The following MORC2 variants were observed in gnomAD, a reference collection of about 807,000 sequenced individuals.
MORC2 encodes MORC family CW-type zinc finger 2.
Under a neutral mutation model 136.0 loss-of-function variants are expected in MORC2, and 30 were observed. The ratio of observed to expected loss-of-function variants is 0.22; its 90% CI spans 0.17 to 0.30. The LOEUF (loss-of-function observed/expected upper bound fraction) is 0.30, where lower values mean the gene tolerates loss of function less well. MORC2 is among the 10% of genes least tolerant of loss of function. The pLI is 1.00. For missense variants in MORC2, 922 were observed against 1,333.1 expected (o/e 0.69, Z 4.80); for synonymous variants, 439 against 487.0 (o/e 0.90, Z 1.30).
intron 12 of MORC2, among the ~76,000 whole-genome samples, chr22:30,939,412 G>A (rs2082954138): frequency 6.6e-6 from 1 of 152,222 alleles, no homozygotes; most frequent in African/African-American, 2.4e-5. Flanking sequence ...GATGGTTTTG[G>A]TGCTCGAGCC....
At chr22:30,942,431 G>A (rs1027098204) in intron 6 of MORC2, among the ~76,000 whole-genome samples, 160 bp from the exon 7 acceptor site, 5 of 152,154 alleles carry the variant, frequency 3.3e-5, no homozygotes, top group Non-Finnish European at 7.3e-5. Context: ...GAGCTTCAGG[G>A]CTTCTGCCTC....
rs1247963621 is a variant in MORC2, at chr22:30,941,489, G to A, written c.768C>T (p.Phe256=). The change falls in exon 9 of 26, where the codon TTC becomes TTT. Residue 256 remains phenylalanine, a synonymous_variant. Transcript: ENST00000397641. The surrounding 1 kb of genome is among the most constrained non-coding windows in gnomAD (Gnocchi z 4.6). ...TGGTCTGCACCTTGTGCCCATGGAT[G>A]AAGATCCTCATCCGGGGATCAATAT... ...VLYIDPRMRI[F]IHGHKVQTKR... 5.0e-6 allele frequency: 8 copies of A among 1,613,972 alleles called. No individual in the cohort carries two copies. The East Asian group carries it at 1.8e-4, about 36-fold the overall frequency.
chr22:30,958,590 C>T lies in MORC2; in HGVS notation c.122+51G>A, dbSNP rs1013036935. On this transcript the variant is annotated intron_variant, in intron 2 of 25. Transcript: ENST00000397641. ...CTTCAGAGAGCAAAGGTCACAGCTA[C>T]CTAAAGTGTTTCCACTTCAAGCACA... 7 of 1,439,568 alleles carry T rather than the reference C, an allele frequency of 4.9e-6. No individual in the cohort carries two copies. In the African/African-American group the frequency reaches 7.1e-5, roughly 15 times the overall value. The allele number at this position is 1,439,568 out of a possible 1,614,324, so 89.2% of individuals were successfully genotyped here. A position where few individuals can be genotyped will look rare whatever the true frequency, so the allele number is the denominator to read the frequency against.
intron 1 of MORC2, among the ~76,000 whole-genome samples, chr22:30,961,207 C>T (rs990993326): frequency 3.3e-5 from 5 of 151,852 alleles, no homozygotes; most frequent in Non-Finnish European, 7.4e-5. Flanking sequence ...TCTTGTGCCC[C>T]CTCAGTAAAA....
intron 24 of MORC2, chr22:30,930,003 C>T (rs1326243164): frequency 6.6e-6 from 1 of 152,134 alleles, no homozygotes; most frequent in African/African-American, 2.4e-5. Flanking sequence ...CAGGCATGCA[C>T]CACAACATCT....
At chr22:30,927,977 G>C in intron 25 of MORC2, 42 bp downstream of exon 25, 1 of 1,608,144 alleles carries the variant, frequency 6.2e-7, no homozygotes, top group Non-Finnish European at 8.5e-7. Context: ...CTCCCTGAGA[G>C]ACCAGGTGGT....
chr22:30,963,736 T>C (rs899939882), intron 1 of MORC2, among the ~76,000 whole-genome samples: 2 of 152,160 alleles, frequency 1.3e-5, no homozygotes, highest in Non-Finnish European at 2.9e-5. Context: ...GTTTGCAGCT[T>C]AGCATTTCCA....
chr22:30,954,338 A>T (rs137899647), intron 3 of MORC2, among the ~76,000 whole-genome samples: 1 of 152,194 alleles, frequency 6.6e-6, no homozygotes, highest in Non-Finnish European at 1.5e-5. Flanking sequence ...TGTGGTAGAA[A>T]AGTGTAGGGT....
At position 30,936,952 on chromosome 22, in the gene MORC2, G is replaced by A. The variant is rs758711899; in HGVS notation, c.1584C>T (p.Asn528=). 1 of 1,613,858 alleles carries A rather than the reference G, an allele frequency of 6.2e-7. No homozygotes were observed. The highest frequency in any genetic ancestry group is 1.3e-5 in the African/African-American group (1 of 74,914). Residue 528 remains asparagine (N), a synonymous_variant, in exon 16 of 26, where the codon AAC becomes AAT. Coordinates refer to ENST00000397641, the MANE Select transcript of MORC2 (RefSeq NM_001303256.3). The part of the protein sequence containing the change: ...DYPDTWVCSM[N]PDPEQDRCEA... ...CTCACCGGTCCTGTTCAGGATCAGG[G>A]TTCATGGAGCAAACCCAGGTGTCAG...
rs577549534 is a variant in MORC2 at position 30,954,800 on chromosome 22, T to C, written c.157+1963A>G. 3.3e-5 allele frequency among the ~76,000 whole-genome samples: 5 copies of C among 152,324 alleles called. No individual in the cohort carries two copies. The South Asian group carries it at 1.0e-3, about 32-fold the overall frequency. On this transcript the variant is annotated intron_variant, in intron 3 of 25. Transcript: ENST00000397641. ...TTACGATTTGTACCTTCAACATCAC[T>C]TGGAGAAGAGGCCCATTCTCTGCTT...
At chr22:30,933,990 GTGCAGACTGCTGGTGGGGGC>G in intron 20 of MORC2, 50 bp downstream of exon 20, 1 of 1,522,936 alleles carries the variant, frequency 6.6e-7, no homozygotes, top group Non-Finnish European at 9.0e-7. Flanking sequence ...CTGATGGGGG[GTGCAGACTGCTGGTGGGGGC>G]TGCAGGCCCT....
chr22:30,949,220 AGTCCC>A (rs2040856770), intron 5 of MORC2, among the ~76,000 whole-genome samples: 1 of 152,230 alleles, frequency 6.6e-6, no homozygotes, highest in Non-Finnish European at 1.5e-5. Context: ...GCTAAGAAAA[AGTCCC>A]ATGGGATTTG....
At chr22:30,952,146 A>G (rs1208419424) in intron 3 of MORC2, among the ~76,000 whole-genome samples, 2 of 152,212 alleles carry the variant, frequency 1.3e-5, no homozygotes, top group Non-Finnish European at 2.9e-5. Flanking sequence ...AAGTACAATA[A>G]AAGTCCAAAA....
intron 10 of MORC2, among the ~76,000 whole-genome samples, chr22:30,940,390 CGAGAAACCCT>C (rs2040725650): frequency 6.6e-6 from 1 of 152,114 alleles, no homozygotes; most frequent in East Asian, 1.9e-4. Flanking sequence ...AACAAGCAGC[CGAGAAACCCT>C]GAGAAACCCT....
At chr22:30,956,935 AT>A (rs566823429) in intron 2 of MORC2, 138 bp from the exon 3 acceptor site, 20 of 645,606 alleles carry the variant, frequency 3.1e-5, no homozygotes, top group South Asian at 5.7e-5. Flanking sequence ...GACATTTAGA[AT>A]TTTTTTTACT....
chr22:30,952,669 T>C (rs1482986854), intron 3 of MORC2, among the ~76,000 whole-genome samples: 1 of 152,244 alleles, frequency 6.6e-6, no homozygotes, highest in Non-Finnish European at 1.5e-5. Flanking sequence ...TTCAACTTTG[T>C]AAACAGACAG....
intron 12 of MORC2, 23 bp downstream of exon 12, chr22:30,939,598 C>T (rs777115897): frequency 8.7e-6 from 14 of 1,611,572 alleles, no homozygotes; most frequent in African/African-American, 1.3e-5. Context: ...TTTAAAAGAT[C>T]CAAGGACAGG....
At chr22:30,964,961 G>A (rs562567683) in intron 1 of MORC2, among the ~76,000 whole-genome samples, 24 of 152,274 alleles carry the variant, frequency 1.6e-4, no homozygotes, top group South Asian at 1.5e-3. Flanking sequence ...CACCGTATGA[G>A]CTAAGAACTT....
At position 30,934,631 on chromosome 22, in the gene MORC2, G is replaced by T; in HGVS notation, c.2193+150C>A. 1 of 1,150,840 alleles carries T rather than the reference G, an allele frequency of 8.7e-7. No individual in the cohort carries two copies. The highest frequency in any genetic ancestry group is 1.2e-6 in the Non-Finnish European group (1 of 812,446). The allele number at this position is 1,150,840 out of a possible 1,614,324, so 71.3% of individuals were successfully genotyped here. A position where few individuals can be genotyped will look rare whatever the true frequency, so the allele number is the denominator to read the frequency against. On this transcript the variant is annotated intron_variant, in intron 19 of 25. Coordinates refer to ENST00000397641, the MANE Select transcript of MORC2 (RefSeq NM_001303256.3). This position sits in a 1 kb window ranked among gnomAD's most constrained non-coding sequence, Gnocchi z 4.4. ...TGTCTGGCCCCAACAAGTCCGTTCA[G>T]CTATCAAGGCTTCCCGTCCTCAGGG...
Sources: allele counts gnomAD v4.1 joint callset (sites outside exome capture counted in the v4.1 genomes callset), GRCh38; gene constraint gnomAD v4.1.1; non-coding constraint Gnocchi (gnomAD v3.1); transcripts MANE v1.5; gene names NCBI Gene and HGNC (gene_info 2026-07-23, HGNC 2026-07-21).